The following NDE1 variants were observed in gnomAD, a reference collection of about 807,000 sequenced individuals.
NDE1 encodes the protein nudE neurodevelopment protein 1.
NDE1 carries 28 observed loss-of-function variants against 43.4 expected under a neutral mutation model. That is an observed-to-expected ratio of 0.65 (90% CI 0.48 to 0.89). NDE1 has a LOEUF of 0.89. NDE1 is among the 40% of genes least tolerant of loss of function. The pLI is 0.00. For synonymous variants in NDE1, 184 were observed against 172.0 expected (o/e 1.07, Z -0.55); for missense variants, 441 against 434.1 (o/e 1.02, Z -0.14).
chr16:15,682,032 T>C (rs760645477), intron 4 of NDE1, among the ~76,000 whole-genome samples: 2 of 152,238 alleles, frequency 1.3e-5, no homozygotes, highest in East Asian at 1.9e-4. Context: ...TGTAGTATTT[T>C]TGTTTTTTCT....
intron 8 of NDE1, among the ~76,000 whole-genome samples, chr16:15,710,941 G>C (rs766803012): frequency 6.6e-6 from 1 of 152,148 alleles, no homozygotes; most frequent in African/African-American, 2.4e-5. Flanking sequence ...GCCTCCCAAA[G>C]TGCTGGGATT....
chr16:15,677,675 C>A, intron 3 of NDE1, 126 bp from the exon 4 acceptor site: 1 of 987,804 alleles, frequency 1.0e-6, no homozygotes, highest in Non-Finnish European at 1.6e-6. Flanking sequence ...CCTCTAACTC[C>A]TGGGCTCAGG....
intron 7 of NDE1, chr16:15,695,017 C>T: frequency 1.5e-6 from 1 of 669,282 alleles, no homozygotes; most frequent in South Asian, 6.7e-5. Flanking sequence ...GACTTGGCCT[C>T]TACAAGAATG....
At chr16:15,700,440 CTT>C (rs35417898) in intron 8 of NDE1, 5 of 137,080 alleles carry the variant, frequency 3.6e-5, no homozygotes, top group Non-Finnish European at 4.7e-5. Flanking sequence ...CCTGATTGGT[CTT>C]TTTTTTTTTT....
At chr16:15,681,782 G>A (rs146352196) in intron 4 of NDE1, among the ~76,000 whole-genome samples, 1 of 151,924 alleles carries the variant, frequency 6.6e-6, no homozygotes, top group Admixed American at 6.6e-5. Flanking sequence ...GCAGGATCTC[G>A]GCTAACTGCA....
At chr16:15,716,155 C>T (rs749627789) in intron 8 of NDE1, among the ~76,000 whole-genome samples, 2 of 152,006 alleles carry the variant, frequency 1.3e-5, no homozygotes, top group African/African-American at 4.8e-5. Context: ...TCTCGAACTC[C>T]TGGACTCAAG....
chr16:15,645,963 A>G (rs2036322588), upstream of NDE1, among the ~76,000 whole-genome samples: 1 of 152,244 alleles, frequency 6.6e-6, no homozygotes, highest in Non-Finnish European at 1.5e-5. Flanking sequence ...CTGCTCAGCC[A>G]TAGTCCAAAG....
At chr16:15,683,888 A>G (rs574643878) in intron 4 of NDE1, among the ~76,000 whole-genome samples, 224 of 152,120 alleles carry the variant, frequency 1.5e-3, no homozygotes, top group African/African-American at 5.2e-3. Flanking sequence ...CTAGCCGGCT[A>G]TGGTAGCTTG....
chr16:15,704,411 G>C (rs2039341674), intron 8 of NDE1, among the ~76,000 whole-genome samples: 1 of 152,108 alleles, frequency 6.6e-6, no homozygotes, highest in Non-Finnish European at 1.5e-5. Flanking sequence ...AATATGTCAG[G>C]CTTGGTCATT....
chr16:15,724,080 G>A, intron 8 of NDE1, 111 bp from the exon 9 acceptor site: 2 of 1,601,756 alleles, frequency 1.2e-6, no homozygotes, highest in Non-Finnish European at 8.5e-7. Context: ...GCACAGGCCA[G>A]AGCCACGCGT....
At chr16:15,715,891 C>T (rs749924449) in intron 8 of NDE1, among the ~76,000 whole-genome samples, 2 of 152,104 alleles carry the variant, frequency 1.3e-5, no homozygotes, top group South Asian at 2.1e-4. Context: ...TCTGGGAGGC[C>T]GAGGTGGGCA....
At chr16:15,649,455 T>G (rs550723872), upstream of NDE1, 11 of 152,360 alleles carry the variant, frequency 7.2e-5, no homozygotes, top group African/African-American at 2.4e-4. Flanking sequence ...GCCTCCTGAG[T>G]AGCTGGGATT....
At chr16:15,648,112 G>A (rs917922022), upstream of NDE1, among the ~76,000 whole-genome samples, 3 of 151,830 alleles carry the variant, frequency 2.0e-5, no homozygotes. Context: ...ATATTTATGG[G>A]GTACATGAGA....
intron 1 of NDE1, 100 bp downstream of exon 1, chr16:15,650,394 C>T (rs1029336033): frequency 1.2e-5 from 2 of 163,864 alleles, no homozygotes; most frequent in South Asian, 1.2e-4. Context: ...TCCCGGGACC[C>T]CGGGCCACCG....
rs770292380 is a variant in NDE1, at chr16:15,719,325, A to G, written c.948-4866A>G. ...GGCGAGGTCCTAGGTGGGAGGGAGG[A>G]AGGCTGTTGTCTGCCAGGGAAAGGC... is the stretch of plus-strand genomic sequence containing the variant. On this transcript the variant is annotated intron_variant, in intron 8 of 8. Transcript: ENST00000396354. The G allele has an allele frequency of 1.4e-5, 22 of 1,608,010 alleles. No individual in the cohort carries two copies. In the African/African-American group the frequency reaches 2.8e-4, roughly 21 times the overall value.
intron 3 of NDE1, among the ~76,000 whole-genome samples, chr16:15,674,773 G>A (rs1415792712): frequency 6.6e-6 from 1 of 151,786 alleles, no homozygotes; most frequent in Non-Finnish European, 1.5e-5. Context: ...GTGCAGTGAT[G>A]CAATCACGGC....
chr16:15,689,875 T>TG (rs34602884), intron 5 of NDE1, among the ~76,000 whole-genome samples: 108,307 of 149,096 alleles, frequency 0.73, 40,138 homozygotes, highest in African/African-American at 0.9. Flanking sequence ...GGGAGGCAGA[T>TG]TTACAGTGAG....
chr16:15,719,682 TC>T, intron 8 of NDE1: 1 of 1,614,244 alleles, frequency 6.2e-7, no homozygotes, highest in Non-Finnish European at 8.5e-7. Context: ...ACGGGCATCT[TC>T]CAGCTCTCTT....
chr16:15,713,252 GAAAA>G (rs562900182), intron 8 of NDE1: 1 of 151,606 alleles, frequency 6.6e-6, no homozygotes, highest in African/African-American at 2.4e-5. Flanking sequence ...CATAGAAATG[GAAAA>G]AAAATAGAAG....
Sources: allele counts gnomAD v4.1 joint callset (sites outside exome capture counted in the v4.1 genomes callset), GRCh38; gene constraint gnomAD v4.1.1; transcripts MANE v1.5; gene names NCBI Gene and HGNC (gene_info 2026-07-23, HGNC 2026-07-21).